Variants in HEATR1 observed in about 807,000 individuals in gnomAD.
HEATR1 encodes HEAT repeat-containing protein 1.
A neutral mutation model predicts 248.2 loss-of-function variants in HEATR1; 77 were observed. That is an observed-to-expected ratio of 0.31 (90% CI 0.26 to 0.37). The LOEUF (loss-of-function observed/expected upper bound fraction) is 0.37, where lower values mean the gene tolerates loss of function less well. Ranked by LOEUF, HEATR1 falls within the 10% of genes least tolerant of loss-of-function variation. HEATR1 has a pLI of 1.00. For synonymous variants in HEATR1, 897 were observed against 923.1 expected (o/e 0.97, Z 0.51); for missense variants, 2,420 against 2,504.9 (o/e 0.97, Z 0.72).
intron 38 of HEATR1, 75 bp from the exon 39 acceptor site, chr1:236,556,014 CTA>C: frequency 1.9e-6 from 3 of 1,605,878 alleles, no homozygotes; most frequent in Non-Finnish European, 1.7e-6. Flanking sequence ...TTTTTAAAAA[CTA>C]AATCTTCTTC....
intron 29 of HEATR1, among the ~76,000 whole-genome samples, chr1:236,567,445 T>A (rs1663303308): frequency 6.6e-6 from 1 of 152,240 alleles, no homozygotes; most frequent in Admixed American, 6.5e-5. Context: ...GCGCAGTGGC[T>A]CACGCCTGTA....
At chr1:236,551,954 A>T in intron 44 of HEATR1, 45 bp downstream of exon 44, 1 of 1,280,208 alleles carries the variant, frequency 7.8e-7, no homozygotes, top group Non-Finnish European at 1.1e-6. Context: ...ATTTTACTGA[A>T]TTATTCCTTA....
intron 7 of HEATR1, 45 bp downstream of exon 7, chr1:236,595,783 AATTTT>A: frequency 6.5e-7 from 1 of 1,533,436 alleles, no homozygotes; most frequent in African/African-American, 1.4e-5. Context: ...TATTCAAAAT[AATTTT>A]ATTCACCTCT....
At chr1:236,568,906 AAAAACT>A in intron 29 of HEATR1, 84 bp downstream of exon 29, 6 of 956,220 alleles carry the variant, frequency 6.3e-6, no homozygotes, top group African/African-American at 1.8e-5. Flanking sequence ...AACAAAAAAA[AAAAACT>A]AAAAAAAAGG....
intron 2 of HEATR1, 83 bp downstream of exon 2, chr1:236,603,871 G>GAAAAC: frequency 1.5e-6 from 2 of 1,353,418 alleles, no homozygotes; most frequent in Non-Finnish European, 2.0e-6. Flanking sequence ...GGACAGAAGA[G>GAAAAC]AAAACAAGGG....
intron 20 of HEATR1, among the ~76,000 whole-genome samples, chr1:236,579,349 T>G (rs989994916): frequency 6.6e-6 from 1 of 152,250 alleles, no homozygotes; most frequent in Non-Finnish European, 1.5e-5. Flanking sequence ...AAAACTGAAG[T>G]TCTTCCATCT....
At chr1:236,572,852 T>G (rs1295926803) in intron 24 of HEATR1, 24 bp from the exon 25 acceptor site, 5 of 1,578,380 alleles carry the variant, frequency 3.2e-6, no homozygotes, top group Non-Finnish European at 4.4e-6. Flanking sequence ...GGAAGAAGAG[T>G]TGATGATATA....
intron 3 of HEATR1, chr1:236,602,740 C>A (rs1664359257): frequency 6.0e-6 from 1 of 167,842 alleles, no homozygotes; most frequent in South Asian, 1.5e-4. Flanking sequence ...GCCTGGCTAA[C>A]ACGGTGAAAC....
At chr1:236,553,169 T>TA in intron 43 of HEATR1, among the ~76,000 whole-genome samples, 1 of 152,340 alleles carries the variant, frequency 6.6e-6, no homozygotes, top group Admixed American at 6.5e-5. Context: ...CTAGTATCTA[T>TA]AAACAACAGA....
In HEATR1 at chr1:236,559,104, A is replaced by G; in HGVS notation, c.4802T>C (p.Ile1601Thr). 2 of 1,609,522 alleles carry G rather than the reference A, an allele frequency of 1.2e-6. No individual in the cohort carries two copies. Among genetic ancestry groups the G allele is most frequent in the Admixed American group, 1.7e-5 (1 of 58,802 alleles). Residue 1601 changes from isoleucine to threonine, a missense_variant, in exon 35 of 45, where the codon ATT becomes ACT. Coordinates refer to ENST00000366582, the MANE Select transcript of HEATR1 (RefSeq NM_018072.6). The stretch of plus-strand genomic sequence containing the variant: ...GCCCACCAGCCCTCTGATCACAGGA[A>G]TGAATGTCTCTGTGGGCAGCAAGGC... Reference protein sequence around the residue: ...VNALLPTETFIPVIRGLVGNP... With the variant: ...VNALLPTETFTPVIRGLVGNP...
chr1:236,564,714 T>C (rs999090737), intron 31 of HEATR1, 53 bp from the exon 32 acceptor site: 166 of 1,529,288 alleles, frequency 1.1e-4, no homozygotes, highest in Non-Finnish European at 1.4e-4. Flanking sequence ...GAATCCTTCA[T>C]ACAGAATTAA....
intron 3 of HEATR1, 129 bp downstream of exon 3, chr1:236,603,031 A>C: frequency 1.5e-6 from 1 of 650,286 alleles, no homozygotes; most frequent in Non-Finnish European, 2.7e-6. Flanking sequence ...TATCTCACAC[A>C]ATGGACATTG....
intron 20 of HEATR1, among the ~76,000 whole-genome samples, chr1:236,578,642 T>C (rs1351961481): frequency 6.6e-6 from 1 of 152,230 alleles, no homozygotes; most frequent in East Asian, 1.9e-4. Context: ...TCTAGCTAGG[T>C]AAATGATTTT....
intron 17 of HEATR1, among the ~76,000 whole-genome samples, chr1:236,584,809 G>A (rs980059193): frequency 1.1e-4 from 17 of 152,104 alleles, no homozygotes; most frequent in African/African-American, 4.1e-4. Flanking sequence ...ACAAAATATT[G>A]CAACCCTAAA....
intron 6 of HEATR1, among the ~76,000 whole-genome samples, 172 bp downstream of exon 6, chr1:236,596,664 G>C (rs2758163): frequency 6.6e-6 from 1 of 152,024 alleles, no homozygotes; most frequent in Non-Finnish European, 1.5e-5. Context: ...AAGGTCCCAG[G>C]CCAGTGAGTT....
chr1:236,588,349 G>A (rs1201330615), intron 12 of HEATR1, among the ~76,000 whole-genome samples: 5 of 152,142 alleles, frequency 3.3e-5, no homozygotes, highest in Admixed American at 6.5e-5. Context: ...AGATATTGAC[G>A]GGATATAGAC....
chr1:236,561,583 T>G (rs765366073), intron 32 of HEATR1, among the ~76,000 whole-genome samples: 4 of 152,214 alleles, frequency 2.6e-5, no homozygotes, highest in Non-Finnish European at 5.9e-5. Flanking sequence ...ACATATCCTT[T>G]GTTGAGAAGT....
Position 236,549,060 on chromosome 1 carries a change from C to G in HEATR1, c.*1842G>C, listed in dbSNP as rs1662587413. ...AGTAAGGTCAGGATTAGACTTCAGG[C>G]ATTCATAAGGCAGGCACTATCAGAA... On this transcript the variant is annotated 3_prime_UTR_variant, in exon 45 of 45. Transcript: ENST00000366582. 2.5e-6 allele frequency: 1 copy of G among 398,376 alleles called. No individual in the cohort carries two copies. Among genetic ancestry groups the G allele is most frequent in the Admixed American group, 4.4e-5 (1 of 22,724 alleles). The allele number at this position is 398,376 out of a possible 1,614,324, so 24.7% of individuals were successfully genotyped here. A position where few individuals can be genotyped will look rare whatever the true frequency, so the allele number is the denominator to read the frequency against.
chr1:236,585,131 A>C lies in HEATR1; in HGVS notation c.2135T>G (p.Val712Gly). 6.2e-7 allele frequency: 1 copy of C among 1,614,100 alleles called. No homozygotes were observed. The highest frequency in any genetic ancestry group is 8.5e-7 in the Non-Finnish European group (1 of 1,179,960). Residue 712 changes from valine (V) to glycine (G), a missense_variant, in exon 17 of 45, where the codon GTC becomes GGC. By Grantham distance (109) the Val-to-Gly change is moderately radical (BLOSUM62 -3). Transcript: ENST00000366582. ...VTFHVILSVL[V>G]SCCSSLKETH... is the part of the protein sequence containing the mutation. ...TTCTTTTAAAGATGAACAACAAGAG[A>C]CGAGCACAGACAGGATCACATGAAA...
Sources: gnomAD v4.1 joint callset for allele counts (sites outside exome capture counted in the v4.1 genomes callset) on GRCh38, gnomAD v4.1.1 for gene constraint, MANE v1.5 for transcripts, NCBI Gene and HGNC (gene_info 2026-07-23, HGNC 2026-07-21) for gene names.